Variants in XRN2 observed in about 807,000 individuals in gnomAD.
XRN2 encodes DHM1-like protein.
XRN2 carries 44 observed loss-of-function variants against 138.5 expected under a neutral mutation model. The ratio of observed to expected loss-of-function variants is 0.32; its 90% CI spans 0.25 to 0.41. The LOEUF (loss-of-function observed/expected upper bound fraction) is 0.41, where lower values mean the gene tolerates loss of function less well. Ranked by LOEUF, XRN2 falls within the 10% of genes least tolerant of loss-of-function variation. XRN2 has a pLI of 1.00. For missense variants in XRN2, 937 were observed against 1,169.3 expected (o/e 0.80, Z 2.90); for synonymous variants, 354 against 369.4 (o/e 0.96, Z 0.48).
chr20:21,341,418 A>G, intron 15 of XRN2, among the ~76,000 whole-genome samples: 1 of 152,166 alleles, frequency 6.6e-6, no homozygotes, highest in African/African-American at 2.4e-5. Context: ...CTTACTGGTT[A>G]CTCCCTGTTT....
At chr20:21,318,487 T>C (rs1313701092) in intron 1 of XRN2, among the ~76,000 whole-genome samples, 1 of 152,134 alleles carries the variant, frequency 6.6e-6, no homozygotes, top group Non-Finnish European at 1.5e-5. Context: ...TTTGGTATCT[T>C]AAGGTGGAAA....
At position 21,386,977 on chromosome 20, in the gene XRN2, C is replaced by T. The variant is rs1482315224; in HGVS notation, c.2758C>T (p.Pro920Ser). 1 of 1,612,130 alleles carries T rather than the reference C, an allele frequency of 6.2e-7. No homozygotes were observed. Among genetic ancestry groups the T allele is most frequent in the Non-Finnish European group, 8.5e-7 (1 of 1,178,320 alleles). The part of the protein sequence containing the change: ...QMLAGPGGYP[P>S]RRDDRGGRQG... ...GCTAGCTGGGCCTGGTGGGTATCCA[C>T]CCAGACGAGATGATCGTGGAGGGAG... The change falls in exon 29 of 30, where the codon CCC becomes TCC. Residue 920 changes from proline to serine, a missense_variant. Physicochemically the swap from Pro to Ser is moderately conservative, Grantham distance 74 (BLOSUM62 -1). Around this residue, in one of 6 missense-constraint regions of XRN2, gnomAD observed 372 missense variants for 414.4 expected, o/e 0.90. Transcript: ENST00000377191.
intron 14 of XRN2, 55 bp downstream of exon 14, chr20:21,339,143 A>G: frequency 6.5e-7 from 1 of 1,531,586 alleles, no homozygotes; most frequent in Non-Finnish European, 9.0e-7. Context: ...ACAATTTATG[A>G]GGAAGATGTT....
In XRN2 at chr20:21,382,076, A is replaced by T. The variant is rs771900726; in HGVS notation, c.2648+19A>T. ...TTGACAGGTAATATTAAAAGTAGAC[A>T]TGACTTTTAAATACTTTCTGACACC... On this transcript the variant is annotated intron_variant, in intron 28 of 29. Transcript: ENST00000377191. The T allele has an allele frequency of 1.6e-5, 25 of 1,596,296 alleles. No individual in the cohort carries two copies. Among genetic ancestry groups the T allele is most frequent in the Non-Finnish European group, 4.3e-6 (5 of 1,169,624 alleles).
chr20:21,319,743 C>T (rs1303966505), intron 1 of XRN2, among the ~76,000 whole-genome samples: 1 of 152,008 alleles, frequency 6.6e-6, no homozygotes, highest in Non-Finnish European at 1.5e-5. Flanking sequence ...ATATATATTA[C>T]ATATATTGAC....
intron 16 of XRN2, among the ~76,000 whole-genome samples, chr20:21,344,619 A>G (rs375021730): frequency 1.3e-5 from 2 of 152,222 alleles, no homozygotes; most frequent in African/African-American, 2.4e-5. Flanking sequence ...AATCTTCTCT[A>G]TTGAAAGAGT....
chr20:21,349,229 A>G (rs542719825), intron 19 of XRN2, among the ~76,000 whole-genome samples, 160 bp from the exon 20 acceptor site: 2 of 152,202 alleles, frequency 1.3e-5, no homozygotes, highest in Non-Finnish European at 2.9e-5. Context: ...TTGTTTTACT[A>G]TACTTGGGAT....
chr20:21,324,670 G>T (rs530700307), intron 1 of XRN2, among the ~76,000 whole-genome samples: 3 of 152,080 alleles, frequency 2.0e-5, no homozygotes, highest in African/African-American at 2.4e-5. Context: ...ATCTTACTCT[G>T]TCGCCCAGGC....
Position 21,389,361 on chromosome 20 carries a change from TC to T in XRN2, c.*25del, listed in dbSNP as rs1292556992. 3 of 1,602,270 alleles carry T rather than the reference TC, an allele frequency of 1.9e-6. No homozygotes were observed. Among genetic ancestry groups the T allele is most frequent in the Middle Eastern group, 1.7e-4 (1 of 6,054 alleles). On this transcript the variant is annotated 3_prime_UTR_variant, in exon 30 of 30. Transcript: ENST00000377191. ...TAAGCTTTTGTAAAGCTTTCCCAAATCCTTTCATCATTCTACAGTTTTATGC... is the reference window on the plus strand; with the variant it reads ...TAAGCTTTTGTAAAGCTTTCCCAAATCTTTCATCATTCTACAGTTTTATGC...
At chr20:21,359,366 C>T (rs1405028291) in intron 24 of XRN2, among the ~76,000 whole-genome samples, 1 of 152,016 alleles carries the variant, frequency 6.6e-6, no homozygotes, top group Non-Finnish European at 1.5e-5. Flanking sequence ...GAAACCCTAT[C>T]TCTACTAAAA....
chr20:21,338,908 C>G (rs2038335009), intron 13 of XRN2, 136 bp from the exon 14 acceptor site: 1 of 735,300 alleles, frequency 1.4e-6, no homozygotes, highest in Non-Finnish European at 2.3e-6. Context: ...GTCTTATTGC[C>G]TGGTTTAATC....
intron 27 of XRN2, among the ~76,000 whole-genome samples, chr20:21,377,323 T>C (rs2038836438): frequency 7.2e-6 from 1 of 138,480 alleles, no homozygotes; most frequent in African/African-American, 2.8e-5. Flanking sequence ...AGTGGCGCAA[T>C]CTCAGCTCGC....
chr20:21,345,039 G>T (rs911769056), intron 16 of XRN2, among the ~76,000 whole-genome samples: 2 of 152,214 alleles, frequency 1.3e-5, no homozygotes, highest in Non-Finnish European at 2.9e-5. Context: ...CAAGGGTCAC[G>T]TGTGGTTCTG....
chr20:21,320,279 GTATT>G lies in XRN2; in HGVS notation c.76-5988_76-5985del, dbSNP rs1438144106. 4.1e-4 allele frequency among the ~76,000 whole-genome samples: 36 copies of G among 88,688 alleles called. 1 individual carries two copies. Among genetic ancestry groups the G allele is most frequent in the African/African-American group, 1.1e-3 (28 of 26,232 alleles). The allele number at this position is 88,688 out of a possible 152,430, so 58.2% of individuals were successfully genotyped here. On this transcript the variant is annotated intron_variant, in intron 1 of 29. Transcript: ENST00000377191. ...CTATTGGCATCATTTATTTATTTAT[GTATT>G]TATTTATTTATGTATTTATTTATTT...
At chr20:21,321,513 G>A (rs2038045317) in intron 1 of XRN2, among the ~76,000 whole-genome samples, 3 of 151,676 alleles carry the variant, frequency 2.0e-5, no homozygotes, top group African/African-American at 7.3e-5. Context: ...GGGGCTCCAG[G>A]ACTCTTATGT....
At chr20:21,373,744 T>A (rs951110148) in intron 27 of XRN2, among the ~76,000 whole-genome samples, 6 of 152,242 alleles carry the variant, frequency 3.9e-5, no homozygotes. Context: ...GAGCATTTTT[T>A]AAAATGTTTA....
rs1216902317 is a variant in XRN2, at chr20:21,331,821, A to G, written c.700+3A>G. On this transcript the variant is annotated splice_donor_region_variant and intron_variant, in intron 8 of 29. Coordinates refer to ENST00000377191, the MANE Select transcript of XRN2 (RefSeq NM_012255.5). ...TCATTGTTTATGTGGAGCAGATGGT[A>G]AGTTTCTTCTTTGGGATTTGCTTCT... The G allele has an allele frequency of 6.2e-7, 1 of 1,611,492 alleles. No homozygotes were observed. The highest frequency in any genetic ancestry group is 1.1e-5 in the South Asian group (1 of 90,248).
At chr20:21,326,229 A>G in intron 1 of XRN2, 50 bp from the exon 2 acceptor site, 1 of 1,582,208 alleles carries the variant, frequency 6.3e-7, no homozygotes, top group Non-Finnish European at 8.6e-7. Flanking sequence ...AGGATCTGTC[A>G]TTTTTAGACT....
At chr20:21,385,884 T>G (rs1161500656) in intron 28 of XRN2, among the ~76,000 whole-genome samples, 1 of 152,210 alleles carries the variant, frequency 6.6e-6, no homozygotes, top group Non-Finnish European at 1.5e-5. Flanking sequence ...ATTGAATTCC[T>G]CCTAACATGG....
Sources: allele counts gnomAD v4.1 joint callset (sites outside exome capture counted in the v4.1 genomes callset), GRCh38; gene constraint gnomAD v4.1.1; regional missense constraint gnomAD v4.1.1; transcripts MANE v1.5; gene names NCBI Gene and HGNC (gene_info 2026-07-23, HGNC 2026-07-21).